CCDC15: variants seen among roughly 807,000 people sequenced by gnomAD.
The protein encoded by CCDC15 is coiled-coil domain-containing protein 15.
In CCDC15, 105 loss-of-function variants were observed where a neutral mutation model predicts 114.5. The observed-to-expected ratio is 0.92, with a 90% CI of 0.78 to 1.08. The LOEUF is 1.08. Among genes scored for constraint, CCDC15 ranks in the 50% least tolerant of loss-of-function variants. The probability of loss-of-function intolerance (pLI) is 0.00; values close to 1 mark genes in which losing one functional copy is unlikely to be tolerated. For synonymous variants in CCDC15, 334 were observed against 377.8 expected, an observed-to-expected ratio of 0.88 and a Z score of 1.34; for missense variants, 1,105 against 1,093.6, an observed-to-expected ratio of 1.01 and a Z score of -0.15.
intron 11 of CCDC15, among the ~76,000 whole-genome samples, chr11:125,001,580 A>G (rs1015426231): frequency 6.6e-6 from 1 of 152,138 alleles, no homozygotes; most frequent in East Asian, 1.9e-4. Context: ...CTCCAGTCCT[A>G]TGCAACCACT....
At chr11:124,964,145 G>A (rs1244456739) in intron 4 of CCDC15, among the ~76,000 whole-genome samples, 5 of 152,108 alleles carry the variant, frequency 3.3e-5, no homozygotes, top group African/African-American at 1.2e-4. Context: ...GGTTCCATAT[G>A]AACTTTAAAG....
intron 13 of CCDC15, among the ~76,000 whole-genome samples, chr11:125,011,934 A>G (rs1948595589): frequency 6.6e-6 from 1 of 152,102 alleles, no homozygotes; most frequent in South Asian, 2.1e-4. Context: ...CCCCCTTTCT[A>G]TTCTTATTCA....
At chr11:125,022,789 T>C (rs1339609733) in intron 13 of CCDC15, among the ~76,000 whole-genome samples, 1 of 151,910 alleles carries the variant, frequency 6.6e-6, no homozygotes, top group Non-Finnish European at 1.5e-5. Flanking sequence ...AGCTCATTTG[T>C]TTCAAAGTAA....
intron 4 of CCDC15, among the ~76,000 whole-genome samples, chr11:124,963,766 A>G (rs1947716704): frequency 6.6e-6 from 1 of 152,136 alleles, no homozygotes; most frequent in Admixed American, 6.5e-5. Flanking sequence ...TAGAGTTTTT[A>G]TGGTTTTAGG....
intron 6 of CCDC15, among the ~76,000 whole-genome samples, chr11:124,979,561 T>C (rs1048300138): frequency 6.6e-6 from 1 of 152,162 alleles, no homozygotes; most frequent in African/African-American, 2.4e-5. Context: ...TAGGATTGCA[T>C]ACTTGATTTG....
At chr11:124,975,258 C>T in intron 5 of CCDC15, 49 bp downstream of exon 5, 2 of 1,122,922 alleles carry the variant, frequency 1.8e-6, no homozygotes, top group South Asian at 1.6e-5. Context: ...GTAAAAAATA[C>T]AGATAAAGAT....
intron 13 of CCDC15, among the ~76,000 whole-genome samples, chr11:125,036,806 T>A (rs1217812705): frequency 6.6e-6 from 1 of 152,126 alleles, no homozygotes; most frequent in African/African-American, 2.4e-5. Context: ...ACTCCAGAAT[T>A]TCTACTTGAT....
intron 5 of CCDC15, among the ~76,000 whole-genome samples, chr11:124,976,727 C>G (rs1347781435): frequency 6.6e-6 from 1 of 152,062 alleles, no homozygotes; most frequent in Non-Finnish European, 1.5e-5. Context: ...GTACTATTCA[C>G]AGTTCTGATT....
intron 13 of CCDC15, among the ~76,000 whole-genome samples, chr11:125,026,149 A>G (rs968865709): frequency 4.6e-5 from 7 of 152,144 alleles, no homozygotes; most frequent in African/African-American, 1.7e-4. Flanking sequence ...CCCAAGAATT[A>G]TAGTTTTTGT....
At chr11:125,010,905 C>T (rs1389423911) in intron 13 of CCDC15, among the ~76,000 whole-genome samples, 1 of 152,050 alleles carries the variant, frequency 6.6e-6, no homozygotes, top group Non-Finnish European at 1.5e-5. Flanking sequence ...GGGTTTTCTT[C>T]TAGGATTTTC....
chr11:125,003,910 C>G lies in CCDC15; in HGVS notation c.2258C>G (p.Ala753Gly), dbSNP rs1339348102. ...TCAGGATTGAGCACTGAATTCCAAG[C>G]TCCACTGGCATTTCAGTCTGACGTG... ...YQSGLSTEFQ[A>G]PLAFQSDVDK... Residue 753 changes from alanine (A) to glycine (G), a missense_variant, in exon 12 of 16, where the codon GCT (alanine) becomes GGT (glycine). Physicochemically the swap from Ala to Gly is moderately conservative, Grantham distance 60 (BLOSUM62 0). Transcript: ENST00000344762. 3 of 1,566,710 alleles carry G rather than the reference C, an allele frequency of 1.9e-6. No individual in the cohort carries two copies. Among genetic ancestry groups the G allele is most frequent in the Non-Finnish European group, 2.6e-6 (3 of 1,162,490 alleles).
At chr11:125,010,505 C>T (rs1482048584) in intron 13 of CCDC15, among the ~76,000 whole-genome samples, 1 of 151,830 alleles carries the variant, frequency 6.6e-6, no homozygotes, top group Non-Finnish European at 1.5e-5. Context: ...GGACTACAGG[C>T]ATGTACCACC....
intron 4 of CCDC15, among the ~76,000 whole-genome samples, chr11:124,969,073 T>A (rs1242622062): frequency 6.6e-6 from 1 of 152,188 alleles, no homozygotes; most frequent in Non-Finnish European, 1.5e-5. Flanking sequence ...CTTTTTTGGG[T>A]TTCTATATTC....
Position 124,992,586 on chromosome 11 carries a change from G to T in CCDC15, c.2038G>T (p.Ala680Ser). The T allele has an allele frequency of 1.3e-6, 2 of 1,581,450 alleles. No homozygotes were observed. Among genetic ancestry groups the T allele is most frequent in the Non-Finnish European group, 8.6e-7 (1 of 1,159,352 alleles). Residue 680 changes from alanine (A) to serine (S), a missense_variant, in exon 10 of 16, where the codon GCA becomes TCA. Transcript: ENST00000344762. ...TTAAAATATGTTTCTCAAGCAACCTGCATCTTTTATGAGAGAAGAAAGAGT... is the reference window on the plus strand; with the variant it reads ...TTAAAATATGTTTCTCAAGCAACCTTCATCTTTTATGAGAGAAGAAAGAGT... Reference protein sequence around the residue: ...DQDDIKNQQPASFMREERVRE... With the variant: ...DQDDIKNQQPSSFMREERVRE...
rs1008716194 is a variant in CCDC15 at position 125,005,193 on chromosome 11, C to G, written c.2392C>G (p.Gln798Glu). 8 of 1,524,896 alleles carry G rather than the reference C, an allele frequency of 5.2e-6. No homozygotes were observed. Among genetic ancestry groups the G allele is most frequent in the Non-Finnish European group, 7.2e-6 (8 of 1,115,150 alleles). 94.5% of individuals were successfully genotyped at this position (1,524,896 alleles called of 1,614,324 possible). The change falls in exon 13 of 16, where the codon CAA becomes GAA. Residue 798 changes from glutamine to glutamate, a missense_variant. Transcript: ENST00000344762. ...QVKEQQRQKE[Q>E]KKKIEKIKKK... ...TAAAGAACAACAAAGGCAAAAAGAA[C>G]AAAAGAAGAAAATTGAAAAGTAAGT...
intron 9 of CCDC15, 86 bp from the exon 10 acceptor site, chr11:124,992,494 G>A (rs1948286925): frequency 2.7e-6 from 2 of 753,546 alleles, no homozygotes; most frequent in Non-Finnish European, 4.4e-6. Flanking sequence ...TTTCTCTGGA[G>A]TTTTCACTGA....
intron 6 of CCDC15, among the ~76,000 whole-genome samples, chr11:124,979,606 G>A (rs2135467121): frequency 6.6e-6 from 1 of 151,656 alleles, no homozygotes; most frequent in African/African-American, 2.4e-5. Flanking sequence ...GTATAGGAAT[G>A]CTACTGATTT....
intron 13 of CCDC15, among the ~76,000 whole-genome samples, chr11:125,018,442 T>C (rs1475255893): frequency 2.0e-5 from 3 of 150,682 alleles, no homozygotes; most frequent in Non-Finnish European, 3.0e-5. Flanking sequence ...TTTTAAAGAA[T>C]ATATCTCCAT....
chr11:124,997,354 A>G (rs1397876321), intron 11 of CCDC15, among the ~76,000 whole-genome samples: 3 of 152,192 alleles, frequency 2.0e-5, no homozygotes, highest in Non-Finnish European at 4.4e-5. Context: ...GCAGTGGTAC[A>G]ATCATAGCTC....
Sources: allele counts gnomAD v4.1 joint callset (sites outside exome capture counted in the v4.1 genomes callset), GRCh38; gene constraint gnomAD v4.1.1; transcripts MANE v1.5; gene names NCBI Gene and HGNC (gene_info 2026-07-23, HGNC 2026-07-21).